RPS6KA2: variants seen among roughly 807,000 people sequenced by gnomAD.
RPS6KA2 encodes ribosomal protein S6 kinase alpha-2.
Under a neutral mutation model 91.8 loss-of-function variants are expected in RPS6KA2, and 42 were observed. That is an observed-to-expected ratio of 0.46 (90% CI 0.36 to 0.59). The LOEUF is 0.59. Ranked by LOEUF, RPS6KA2 falls within the 20% of genes least tolerant of loss-of-function variation. The pLI, the probability that RPS6KA2 is intolerant of heterozygous loss-of-function variation, is 0.00. For synonymous variants in RPS6KA2, 414 were observed against 393.6 expected (o/e 1.05, Z -0.61); for missense variants, 798 against 978.5 (o/e 0.82, Z 2.46).
At chr6:166,608,715 A>G (rs929452225) in intron 1 of RPS6KA2, among the ~76,000 whole-genome samples, 13 of 151,978 alleles carry the variant, frequency 8.6e-5, no homozygotes, top group Admixed American at 1.3e-4. Flanking sequence ...CAAGTTTTCT[A>G]TTTCTGTTCT....
chr6:166,708,886 A>G (rs1427838246), intron 2 of RPS6KA2, among the ~76,000 whole-genome samples: 1 of 152,232 alleles, frequency 6.6e-6, no homozygotes, highest in Admixed American at 6.5e-5. Context: ...AAATAAATGC[A>G]TTGTACCACA....
At position 166,524,450 on chromosome 6, in the gene RPS6KA2, G is replaced by C. The variant is rs1583238754; in HGVS notation, c.298+6782C>G. On this transcript the variant is annotated intron_variant, in intron 3 of 20. Transcript: ENST00000265678. The stretch of plus-strand genomic sequence containing the variant: ...GGGCGCACCTGTGTTCTCCGTGCAG[G>C]CACCGGCCATCTTTAGTCATGAACA... Among the ~76,000 whole-genome samples the C allele has an allele frequency of 3.3e-5, 5 of 152,020 alleles. No homozygotes were observed. The South Asian group carries it at 1.0e-3, about 32-fold the overall frequency.
chr6:166,586,893 C>T (rs1785192922), intron 1 of RPS6KA2, among the ~76,000 whole-genome samples: 1 of 152,220 alleles, frequency 6.6e-6, no homozygotes, highest in Admixed American at 6.5e-5. Context: ...CCCTCAGCTG[C>T]CTCCCAGTGG....
At chr6:166,441,741 G>A (rs113526600) in intron 14 of RPS6KA2, among the ~76,000 whole-genome samples, 15 of 152,360 alleles carry the variant, frequency 9.8e-5, no homozygotes, top group African/African-American at 3.6e-4. Flanking sequence ...CCCTGAGGAC[G>A]AGCAGGCTGT....
intron 2 of RPS6KA2, among the ~76,000 whole-genome samples, chr6:166,797,929 G>C (rs530102239): frequency 6.6e-6 from 1 of 152,234 alleles, no homozygotes; most frequent in Admixed American, 6.5e-5. Context: ...AAACCTTGAT[G>C]ACCAGAAGAC....
At chr6:166,567,064 G>A (rs897019671) in intron 1 of RPS6KA2, among the ~76,000 whole-genome samples, 4 of 152,168 alleles carry the variant, frequency 2.6e-5, no homozygotes, top group Admixed American at 6.5e-5. Context: ...ATGAATTAAT[G>A]GCAAAAAACA....
chr6:166,831,982 TAC>T (rs1286313074), intron 2 of RPS6KA2, among the ~76,000 whole-genome samples: 2 of 151,712 alleles, frequency 1.3e-5, no homozygotes, highest in African/African-American at 2.4e-5. Flanking sequence ...AGATAATAGA[TAC>T]ACAGATATAT....
At chr6:166,651,883 G>GCA (rs1787863426) in intron 2 of RPS6KA2, among the ~76,000 whole-genome samples, 1 of 152,248 alleles carries the variant, frequency 6.6e-6, no homozygotes, top group Non-Finnish European at 1.5e-5. Flanking sequence ...GAGTTCAGGT[G>GCA]CACACGCACT....
intron 2 of RPS6KA2, among the ~76,000 whole-genome samples, chr6:166,829,253 T>C (rs1780118313): frequency 6.6e-6 from 1 of 152,168 alleles, no homozygotes; most frequent in Non-Finnish European, 1.5e-5. Context: ...TAAAATAGTA[T>C]AGCTGCTGTG....
Position 166,418,285 on chromosome 6 carries a change from G to A in RPS6KA2, c.1878C>T (p.Ile626=), listed in dbSNP as rs768001527. The change falls in exon 19 of 21, where the codon ATC becomes ATT. Residue 626 remains isoleucine, a synonymous_variant. Coordinates refer to ENST00000265678, the MANE Select transcript of RPS6KA2 (RefSeq NM_021135.6). The surrounding 1 kb of genome is among the most constrained non-coding windows in gnomAD (Gnocchi z 4.9). ...CAGAAAGGGCATACTTCCCACTGCCGATCCGCGCCAGAATCTCCTCAGGGG... is the reference window on the plus strand; with the variant it reads ...CAGAAAGGGCATACTTCCCACTGCCAATCCGCGCCAGAATCTCCTCAGGGG... ...DDTPEEILAR[I]GSGKYALSGG... is the part of the protein sequence containing the mutation. The A allele has an allele frequency of 1.2e-6, 2 of 1,614,024 alleles. No individual in the cohort carries two copies. The highest frequency in any genetic ancestry group is 1.7e-6 in the Non-Finnish European group (2 of 1,179,984).
chr6:166,739,922 C>T (rs1268977086), intron 2 of RPS6KA2, among the ~76,000 whole-genome samples: 1 of 152,246 alleles, frequency 6.6e-6, no homozygotes, highest in Non-Finnish European at 1.5e-5. Flanking sequence ...CTGTGTTCTT[C>T]CTCTCATGTG....
rs79436178 is a variant in RPS6KA2 at position 166,449,802 on chromosome 6, GGGGACCACCATGGGAACCACCACA to G, written c.1207-977_1207-954del. On this transcript the variant is annotated intron_variant, in intron 13 of 20. Coordinates refer to ENST00000265678, the MANE Select transcript of RPS6KA2 (RefSeq NM_021135.6). ...CAGGGACCACCATGGGAGCCACCAC[GGGGACCACCATGGGAACCACCACA>G]GGGACCACCACGGGACAACCACGAG... Among the ~76,000 whole-genome samples the G allele has an allele frequency of 8.1e-3, 892 of 110,508 alleles. 10 individuals carry two copies. Among genetic ancestry groups the G allele is most frequent in the African/African-American group, 0.022 (686 of 31,350 alleles). 72.5% of individuals were successfully genotyped at this position (110,508 alleles called of 152,430 possible).
At chr6:166,609,950 G>T (rs1282012266) in intron 1 of RPS6KA2, among the ~76,000 whole-genome samples, 1 of 152,166 alleles carries the variant, frequency 6.6e-6, no homozygotes, top group African/African-American at 2.4e-5. Flanking sequence ...AAATGTATTA[G>T]CTTCGGACTA....
At chr6:166,696,161 G>T (rs1026833212) in intron 2 of RPS6KA2, among the ~76,000 whole-genome samples, 3 of 152,136 alleles carry the variant, frequency 2.0e-5, no homozygotes, top group African/African-American at 7.2e-5. Flanking sequence ...GGGAAGAGCC[G>T]GAGTGGGATT....
rs145202223 is a variant in RPS6KA2 at position 166,572,370 on chromosome 6, T to A, written c.100-33586A>T. ...TAATTCTAAGAAAAGAGTGAAAGCA[T>A]GTTATAAAACAAACACTAATAAACA... On this transcript the variant is annotated intron_variant, in intron 1 of 20. Coordinates refer to ENST00000265678, the MANE Select transcript of RPS6KA2 (RefSeq NM_021135.6). 4.1e-3 allele frequency among the ~76,000 whole-genome samples: 632 copies of A among 152,380 alleles called. 4 individuals carry two copies. Among genetic ancestry groups the A allele is most frequent in the African/African-American group, 0.014 (603 of 41,590 alleles).
chr6:166,640,101 A>G (rs376191655), intron 2 of RPS6KA2, among the ~76,000 whole-genome samples: 1 of 152,344 alleles, frequency 6.6e-6, no homozygotes. Flanking sequence ...TTAACACAGA[A>G]ATAAGGGACT....
chr6:166,686,620 A>T (rs938244246), intron 2 of RPS6KA2, among the ~76,000 whole-genome samples: 1 of 151,876 alleles, frequency 6.6e-6, no homozygotes, highest in Admixed American at 6.6e-5. Flanking sequence ...TCCACCCCTC[A>T]CTGGCTCACT....
chr6:166,531,135 A>C (rs1718607986), intron 3 of RPS6KA2, 97 bp downstream of exon 3: 2 of 838,622 alleles, frequency 2.4e-6, no homozygotes, highest in South Asian at 2.8e-5. Flanking sequence ...ATTTTCAGAA[A>C]TCGTGAACAT....
intron 10 of RPS6KA2, among the ~76,000 whole-genome samples, chr6:166,484,019 G>A (rs1286992186): frequency 6.6e-6 from 1 of 152,208 alleles, no homozygotes; most frequent in East Asian, 1.9e-4. Flanking sequence ...CATGTCCACA[G>A]GCAGAGCCCG....
Sources: gnomAD v4.1 joint callset for allele counts (sites outside exome capture counted in the v4.1 genomes callset) on GRCh38, gnomAD v4.1.1 for gene constraint, Gnocchi (gnomAD v3.1) non-coding constraint, MANE v1.5 for transcripts, NCBI Gene and HGNC (gene_info 2026-07-23, HGNC 2026-07-21) for gene names.